Variants in CSMD1 observed in about 807,000 individuals in gnomAD.
CSMD1 encodes the protein CUB and sushi domain-containing protein 1.
In CSMD1, 213 loss-of-function variants were observed where a neutral mutation model predicts 417.5. The ratio of observed to expected loss-of-function variants is 0.51; its 90% CI spans 0.46 to 0.57. The LOEUF (loss-of-function observed/expected upper bound fraction) is 0.57, where lower values mean the gene tolerates loss of function less well. Ranked by LOEUF, CSMD1 falls within the 20% of genes least tolerant of loss-of-function variation. The probability of loss-of-function intolerance (pLI) is 0.00; values close to 1 mark genes in which losing one functional copy is unlikely to be tolerated. For missense variants in CSMD1, 6,923 were observed against 4,529.7 expected, an observed-to-expected ratio of 1.53 and a Z score of -15.17; for synonymous variants, 2,862 against 1,736.8, an observed-to-expected ratio of 1.65 and a Z score of -16.11.
At position 3,828,298 on chromosome 8, in the gene CSMD1, T is replaced by G. The variant is rs553647958; in HGVS notation, c.819-74256A>C. 3.9e-5 allele frequency among the ~76,000 whole-genome samples: 6 copies of G among 152,324 alleles called. No homozygotes were observed. In the South Asian group the frequency reaches 1.2e-3, roughly 32 times the overall value. On this transcript the variant is annotated intron_variant, in intron 5 of 69. Transcript: ENST00000635120. ...CTTCCGAACATGCTTATTTTCAGTT[T>G]GGAACACCTGTCTCAGCTTTCACTT... is the stretch of plus-strand genomic sequence containing the variant.
intron 5 of CSMD1, among the ~76,000 whole-genome samples, chr8:3,842,762 T>G (rs556011482): frequency 6.6e-6 from 1 of 151,806 alleles, no homozygotes; most frequent in African/African-American, 2.4e-5. Context: ...AAAAGAAGAG[T>G]TAATATTTGA....
intron 16 of CSMD1, among the ~76,000 whole-genome samples, chr8:3,397,176 G>T (rs2840099): frequency 2.6e-5 from 4 of 152,020 alleles, no homozygotes; most frequent in Admixed American, 1.3e-4. Flanking sequence ...AGCTAACCCG[G>T]TTTCTGAGTG....
At chr8:3,952,147 C>T (rs1028327743) in intron 5 of CSMD1, among the ~76,000 whole-genome samples, 3 of 152,188 alleles carry the variant, frequency 2.0e-5, no homozygotes, top group East Asian at 1.9e-4. Context: ...AAAGTATGGT[C>T]GCAGAAACCT....
intron 3 of CSMD1, among the ~76,000 whole-genome samples, chr8:4,210,692 T>G (rs1329935962): frequency 6.6e-6 from 1 of 152,190 alleles, no homozygotes; most frequent in Non-Finnish European, 1.5e-5. Context: ...TTCCACTTCA[T>G]TTTGCTCATT....
At chr8:3,423,686 C>T (rs1036555978) in intron 12 of CSMD1, among the ~76,000 whole-genome samples, 1 of 152,180 alleles carries the variant, frequency 6.6e-6, no homozygotes, top group Non-Finnish European at 1.5e-5. Flanking sequence ...TGAAGAAAGT[C>T]TTACGAATGT....
At chr8:4,960,530 A>C (rs532891506) in intron 1 of CSMD1, among the ~76,000 whole-genome samples, 1 of 152,316 alleles carries the variant, frequency 6.6e-6, no homozygotes, top group East Asian at 1.9e-4. Context: ...TGTAAAGTTA[A>C]GCGCTTGTAC....
intron 18 of CSMD1, among the ~76,000 whole-genome samples, chr8:3,384,720 A>AATATATATTTATATATATTATATAAATAT (rs10662888): frequency 2.5e-4 from 29 of 118,290 alleles, no homozygotes; most frequent in South Asian, 1.4e-3. Flanking sequence ...ATATATTTAT[A>AATATATATTTATATATATTATATAAATAT]ATATTTATAT....
intron 50 of CSMD1, among the ~76,000 whole-genome samples, chr8:3,049,235 T>G (rs1026313185): frequency 2.0e-5 from 3 of 152,160 alleles, no homozygotes; most frequent in Non-Finnish European, 2.9e-5. Flanking sequence ...CCTTCGGTAT[T>G]TACTCAAATA....
In CSMD1 at chr8:3,369,245, G is replaced by C. The variant is rs780760430; in HGVS notation, c.2899+9C>G. The stretch of plus-strand genomic sequence containing the variant: ...GTCTGTATGTTTGAGACCTATGATA[G>C]ATTCTTACCTTTCCCATGAGACACT... On this transcript the variant is annotated intron_variant, in intron 19 of 69. Coordinates refer to ENST00000635120, the MANE Select transcript of CSMD1 (RefSeq NM_033225.6). 12 of 1,360,858 alleles carry C rather than the reference G, an allele frequency of 8.8e-6. No homozygotes were observed. The highest frequency in any genetic ancestry group is 2.9e-5 in the African/African-American group (2 of 69,666). 84.3% of individuals were successfully genotyped at this position (1,360,858 alleles called of 1,614,324 possible). A position where few individuals can be genotyped will look rare whatever the true frequency, so the allele number is the denominator to read the frequency against.
At chr8:3,458,133 C>G (rs1160044549) in intron 12 of CSMD1, among the ~76,000 whole-genome samples, 1 of 152,146 alleles carries the variant, frequency 6.6e-6, no homozygotes, top group African/African-American at 2.4e-5. Context: ...ATTTCCACTA[C>G]ATCTTATCTC....
At chr8:4,298,616 T>A (rs1272747726) in intron 3 of CSMD1, among the ~76,000 whole-genome samples, 1 of 152,162 alleles carries the variant, frequency 6.6e-6, no homozygotes, top group Non-Finnish European at 1.5e-5. Flanking sequence ...GTTAACCATA[T>A]GCAAACGTTA....
At chr8:3,221,311 C>T (rs191665458) in intron 28 of CSMD1, among the ~76,000 whole-genome samples, 130 of 152,058 alleles carry the variant, frequency 8.5e-4, no homozygotes, top group African/African-American at 2.9e-3. Context: ...AGTTCACTGA[C>T]GTCAGGAATG....
intron 3 of CSMD1, among the ~76,000 whole-genome samples, chr8:4,316,278 G>A (rs759427259): frequency 6.6e-6 from 1 of 152,088 alleles, no homozygotes; most frequent in Non-Finnish European, 1.5e-5. Context: ...AATTTGTTGT[G>A]ATCTGTAAGA....
At chr8:3,871,402 A>G (rs1034147551) in intron 5 of CSMD1, among the ~76,000 whole-genome samples, 4 of 152,122 alleles carry the variant, frequency 2.6e-5, no homozygotes, top group Non-Finnish European at 5.9e-5. Context: ...TGGTTTCTTC[A>G]ACTTGCATTA....
At chr8:4,227,504 C>T (rs551015114) in intron 3 of CSMD1, among the ~76,000 whole-genome samples, 47 of 151,998 alleles carry the variant, frequency 3.1e-4, no homozygotes, top group Non-Finnish European at 5.9e-4. Flanking sequence ...GCTGGAGGAG[C>T]GCATTAAATC....
chr8:4,688,140 T>C (rs978964541), intron 1 of CSMD1, among the ~76,000 whole-genome samples: 1 of 152,164 alleles, frequency 6.6e-6, no homozygotes, highest in Non-Finnish European at 1.5e-5. Flanking sequence ...TATTTGATTC[T>C]AAGGTTCTAA....
chr8:3,567,552 G>T (rs908504408), intron 10 of CSMD1, among the ~76,000 whole-genome samples: 1 of 151,346 alleles, frequency 6.6e-6, no homozygotes, highest in Non-Finnish European at 1.5e-5. Flanking sequence ...GAAAGGGAAG[G>T]AAAGGGAAGG....
chr8:3,716,458 C>G (rs538860052), intron 6 of CSMD1, among the ~76,000 whole-genome samples: 3 of 152,088 alleles, frequency 2.0e-5, no homozygotes, highest in Non-Finnish European at 4.4e-5. Flanking sequence ...CTTTTTTAGA[C>G]CATATAGAGT....
At chr8:4,617,291 G>A (rs1298524297) in intron 2 of CSMD1, among the ~76,000 whole-genome samples, 1 of 152,116 alleles carries the variant, frequency 6.6e-6, no homozygotes, top group African/African-American at 2.4e-5. Context: ...GTTGGATAAT[G>A]TCTATAAACT....
Sources: gnomAD v4.1 joint callset for allele counts (sites outside exome capture counted in the v4.1 genomes callset) on GRCh38, gnomAD v4.1.1 for gene constraint, MANE v1.5 for transcripts, NCBI Gene and HGNC (gene_info 2026-07-23, HGNC 2026-07-21) for gene names.